The following FAM107B variants were observed in gnomAD, a reference collection of about 807,000 sequenced individuals.
FAM107B encodes the protein protein FAM107B.
A neutral mutation model predicts 31.5 loss-of-function variants in FAM107B; 21 were observed. The ratio of observed to expected loss-of-function variants is 0.67; its 90% CI spans 0.47 to 0.96. The LOEUF (loss-of-function observed/expected upper bound fraction) is 0.96, where lower values mean the gene tolerates loss of function less well. Among genes scored for constraint, FAM107B ranks in the 40% least tolerant of loss-of-function variants. The pLI is 0.00. For missense variants in FAM107B, 452 were observed against 377.1 expected (o/e 1.20, Z -1.64); for synonymous variants, 157 against 141.5 (o/e 1.11, Z -0.78).
intron 2 of FAM107B, among the ~76,000 whole-genome samples, chr10:14,538,811 T>C (rs1416627812): frequency 2.6e-5 from 4 of 152,238 alleles, no homozygotes; most frequent in African/African-American, 9.6e-5. Flanking sequence ...TGGGAAGTTA[T>C]ACAGCATAAT....
intron 1 of FAM107B, among the ~76,000 whole-genome samples, chr10:14,681,382 A>G (rs1323617794): frequency 1.3e-5 from 2 of 152,096 alleles, no homozygotes; most frequent in Non-Finnish European, 2.9e-5. Flanking sequence ...CCACCTGTCC[A>G]TTGCTGTCTG....
intron 2 of FAM107B, among the ~76,000 whole-genome samples, chr10:14,651,835 G>C (rs1853908158): frequency 6.6e-6 from 1 of 152,134 alleles, no homozygotes; most frequent in African/African-American, 2.4e-5. Flanking sequence ...GTTAGGAGAT[G>C]ATGAAAATGG....
intron 2 of FAM107B, among the ~76,000 whole-genome samples, chr10:14,572,735 A>ATTT (rs1395207316): frequency 2.4e-3 from 279 of 114,146 alleles, no homozygotes; most frequent in African/African-American, 8.5e-3. Context: ...AAAAAAAAAA[A>ATTT]AATTTATATA....
chr10:14,619,444 A>T (rs1157564461), intron 2 of FAM107B, among the ~76,000 whole-genome samples: 1 of 152,116 alleles, frequency 6.6e-6, no homozygotes, highest in Non-Finnish European at 1.5e-5. Flanking sequence ...TATGTTGAGC[A>T]CCTTTTCATG....
intron 2 of FAM107B, among the ~76,000 whole-genome samples, chr10:14,566,853 G>T (rs959273770): frequency 6.6e-6 from 1 of 152,126 alleles, no homozygotes; most frequent in Admixed American, 6.5e-5. Flanking sequence ...CAGGAGAGAG[G>T]TTTACATCGG....
At chr10:14,527,335 A>C (rs1846382876) in intron 3 of FAM107B, among the ~76,000 whole-genome samples, 1 of 152,244 alleles carries the variant, frequency 6.6e-6, no homozygotes, top group South Asian at 2.1e-4. Context: ...AAGACAGTAA[A>C]TAGAGGAATA....
intron 1 of FAM107B, among the ~76,000 whole-genome samples, chr10:14,707,885 C>T (rs769564576): frequency 7.2e-5 from 11 of 152,044 alleles, no homozygotes; most frequent in Non-Finnish European, 1.2e-4. Flanking sequence ...GAAGGAGACA[C>T]CAAGCTTATG....
intron 1 of FAM107B, among the ~76,000 whole-genome samples, chr10:14,743,608 G>A (rs1282389676): frequency 6.6e-6 from 1 of 152,168 alleles, no homozygotes; most frequent in Non-Finnish European, 1.5e-5. Context: ...TATTAAATAG[G>A]AAATCATTTC....
chr10:14,672,092 T>TTTAA (rs71505035), intron 1 of FAM107B, among the ~76,000 whole-genome samples: 22,212 of 88,666 alleles, frequency 0.25, 2,160 homozygotes, highest in Admixed American at 0.4. Context: ...TCTTTTTATT[T>TTTAA]TTTATTTATT....
intron 2 of FAM107B, among the ~76,000 whole-genome samples, chr10:14,650,222 C>A (rs551245629): frequency 6.7e-6 from 1 of 149,046 alleles, no homozygotes; most frequent in South Asian, 2.1e-4. Flanking sequence ...TTTTTTTTTT[C>A]ATTAGGAAGG....
At chr10:14,549,577 A>C (rs3813876) in intron 2 of FAM107B, among the ~76,000 whole-genome samples, 1 of 152,114 alleles carries the variant, frequency 6.6e-6, no homozygotes. Flanking sequence ...CCCTGATTCA[A>C]CTCTGCACAT....
chr10:14,556,725 C>T (rs1214690585), intron 2 of FAM107B, among the ~76,000 whole-genome samples: 3 of 152,242 alleles, frequency 2.0e-5, no homozygotes, highest in Admixed American at 6.5e-5. Flanking sequence ...GTGGCTAAAA[C>T]AAATATAGCA....
chr10:14,533,029 G>A (rs1355966516), intron 2 of FAM107B, among the ~76,000 whole-genome samples: 1 of 152,174 alleles, frequency 6.6e-6, no homozygotes, highest in African/African-American at 2.4e-5. Flanking sequence ...TGAGGATATA[G>A]AGCGTGGGAA....
chr10:14,648,560 C>T (rs944881758), intron 2 of FAM107B, among the ~76,000 whole-genome samples: 5 of 152,162 alleles, frequency 3.3e-5, no homozygotes, highest in African/African-American at 1.2e-4. Context: ...CAGCAGACAC[C>T]GAAGAGCCAA....
intron 1 of FAM107B, among the ~76,000 whole-genome samples, chr10:14,724,564 C>T (rs1286260104): frequency 6.6e-6 from 1 of 152,132 alleles, no homozygotes; most frequent in Non-Finnish European, 1.5e-5. Context: ...GGTACAGAAC[C>T]CCAGTTCACT....
At chr10:14,565,933 C>T (rs774579427) in intron 2 of FAM107B, among the ~76,000 whole-genome samples, 14 of 152,316 alleles carry the variant, frequency 9.2e-5, no homozygotes, top group South Asian at 4.1e-4. Flanking sequence ...AGCAGGAACA[C>T]AACCAGAGGG....
At chr10:14,716,738 A>G (rs886367840) in intron 1 of FAM107B, among the ~76,000 whole-genome samples, 1 of 152,170 alleles carries the variant, frequency 6.6e-6, no homozygotes, top group Non-Finnish European at 1.5e-5. Flanking sequence ...CGGTTTCCAC[A>G]TCTGTAAAAT....
At position 14,630,278 on chromosome 10, in the gene FAM107B, T is replaced by TAAAAAAAAAA. The variant is rs10525721; in HGVS notation, c.469+37346_469+37355dup. 4.8e-3 allele frequency among the ~76,000 whole-genome samples: 646 copies of TAAAAAAAAAA among 134,438 alleles called. 8 individuals are homozygous for TAAAAAAAAAA. Among genetic ancestry groups the TAAAAAAAAAA allele is most frequent in the African/African-American group, 0.016 (575 of 34,994 alleles). 88.2% of individuals were successfully genotyped at this position (134,438 alleles called of 152,430 possible). On this transcript the variant is annotated intron_variant, in intron 2 of 4. Coordinates refer to ENST00000181796, the MANE Select transcript of FAM107B (RefSeq NM_031453.4). The stretch of plus-strand genomic sequence containing the variant: ...CTATGCCTCACTTCTCTACTGATGC[T>TAAAAAAAAAA]AAAAAAAAAAAAAAAAAATGGAAAT...
chr10:14,648,991 T>A (rs957150772), intron 2 of FAM107B, among the ~76,000 whole-genome samples: 14 of 152,130 alleles, frequency 9.2e-5, no homozygotes, highest in African/African-American at 3.4e-4. Context: ...ATAAACAACA[T>A]GGTAGGTTTC....
Sources: gnomAD v4.1 joint callset for allele counts (sites outside exome capture counted in the v4.1 genomes callset) on GRCh38, gnomAD v4.1.1 for gene constraint, MANE v1.5 for transcripts, NCBI Gene and HGNC (gene_info 2026-07-23, HGNC 2026-07-21) for gene names.